EYS: variants seen among roughly 807,000 people sequenced by gnomAD.
EYS encodes EGF-like photoreceptor maintenance factor.
EYS carries 250 observed loss-of-function variants against 282.1 expected under a neutral mutation model. The ratio of observed to expected loss-of-function variants is 0.89; its 90% confidence interval spans 0.80 to 0.98. EYS has a LOEUF of 0.98. Ranked by LOEUF, EYS falls within the 50% of genes least tolerant of loss-of-function variation. EYS has a pLI of 0.00. For missense variants in EYS, 4,016 were observed against 3,709.0 expected (o/e 1.08, Z -2.15); for synonymous variants, 1,355 against 1,282.9 (o/e 1.06, Z -1.20).
intron 16 of EYS, among the ~76,000 whole-genome samples, chr6:64,909,939 C>T (rs1190337358): frequency 3.9e-5 from 6 of 152,076 alleles, no homozygotes; most frequent in South Asian, 4.1e-4. Context: ...AACATACAGT[C>T]GCATTGTTAC....
intron 26 of EYS, among the ~76,000 whole-genome samples, chr6:64,472,434 G>T (rs1472314940): frequency 6.6e-6 from 1 of 152,090 alleles, no homozygotes; most frequent in African/African-American, 2.4e-5. Flanking sequence ...ATCAAATTTG[G>T]TTAATAGATT....
chr6:64,189,083 C>G (rs139209999), intron 31 of EYS, among the ~76,000 whole-genome samples: 31 of 152,222 alleles, frequency 2.0e-4, no homozygotes, highest in African/African-American at 7.0e-4. Flanking sequence ...ATCACTTTCC[C>G]ACTATCAGAA....
At chr6:64,897,189 C>G (rs10944765) in intron 18 of EYS, among the ~76,000 whole-genome samples, 89,739 of 151,946 alleles carry the variant, frequency 0.59, 26,654 homozygotes, top group African/African-American at 0.65. Context: ...TCGACAGACA[C>G]CTCATACAGG....
intron 33 of EYS, among the ~76,000 whole-genome samples, chr6:64,039,346 TAAAGG>T (rs1221720747): frequency 1.3e-5 from 2 of 152,098 alleles, no homozygotes; most frequent in African/African-American, 4.8e-5. Context: ...GTCAACTGCT[TAAAGG>T]AGAGTAAAAT....
chr6:65,124,917 T>C (rs551850471), intron 12 of EYS, among the ~76,000 whole-genome samples: 2 of 152,300 alleles, frequency 1.3e-5, no homozygotes, highest in South Asian at 4.1e-4. Context: ...ATAGTCACAG[T>C]GGAGGGTAAA....
At chr6:64,199,712 A>G (rs1765403808) in intron 31 of EYS, among the ~76,000 whole-genome samples, 3 of 149,692 alleles carry the variant, frequency 2.0e-5, no homozygotes, top group Non-Finnish European at 4.5e-5. Context: ...ATCTACAAAG[A>G]ACTTAAACAA....
intron 22 of EYS, among the ~76,000 whole-genome samples, chr6:64,644,795 C>G (rs2149873884): frequency 6.6e-6 from 1 of 152,212 alleles, no homozygotes; most frequent in South Asian, 2.1e-4. Flanking sequence ...CAATTGCTAA[C>G]TATAGCTCAT....
chr6:65,123,136 G>A (rs1341021866), intron 12 of EYS, among the ~76,000 whole-genome samples: 8 of 152,104 alleles, frequency 5.3e-5, no homozygotes, highest in Admixed American at 6.5e-5. Flanking sequence ...TAATTGCTAC[G>A]TAAACATCCT....
intron 12 of EYS, among the ~76,000 whole-genome samples, chr6:65,206,564 G>T (rs935781926): frequency 4.0e-5 from 6 of 151,634 alleles, no homozygotes; most frequent in African/African-American, 1.5e-4. Flanking sequence ...CTAAAATCAT[G>T]CAATGACAAC....
chr6:65,581,798 A>G (rs1056079000), intron 2 of EYS, among the ~76,000 whole-genome samples: 2 of 152,128 alleles, frequency 1.3e-5, no homozygotes, highest in African/African-American at 4.8e-5. Flanking sequence ...TAAAAAAATT[A>G]GTAGCAAGGT....
At chr6:64,172,145 A>C (rs9362521) in intron 31 of EYS, among the ~76,000 whole-genome samples, 39,616 of 152,052 alleles carry the variant, frequency 0.26, 5,666 homozygotes, top group East Asian at 0.45. Context: ...CTATGTAGAG[A>C]GTTGATATCA....
chr6:65,241,756 T>C (rs939887596), intron 12 of EYS, among the ~76,000 whole-genome samples: 17 of 152,050 alleles, frequency 1.1e-4, no homozygotes, highest in African/African-American at 3.9e-4. Flanking sequence ...TAAAGTTCTA[T>C]ATGTGATTAT....
At chr6:65,655,444 T>G (rs1767787290) in intron 1 of EYS, among the ~76,000 whole-genome samples, 1 of 151,690 alleles carries the variant, frequency 6.6e-6, no homozygotes, top group Non-Finnish European at 1.5e-5. Flanking sequence ...ATATACCAAT[T>G]ATAAATATAT....
chr6:64,296,596 ATATTT>A (rs1769032677), intron 30 of EYS, among the ~76,000 whole-genome samples: 2 of 6,158 alleles, frequency 3.2e-4, no homozygotes, highest in East Asian at 5.1e-3. Flanking sequence ...ATATATATAT[ATATTT>A]TTTTTTTTTT....
At chr6:65,680,708 A>C (rs983972351) in intron 1 of EYS, among the ~76,000 whole-genome samples, 4 of 151,978 alleles carry the variant, frequency 2.6e-5, no homozygotes, top group Admixed American at 2.6e-4. Context: ...ATTATAAATG[A>C]CCTAATAACA....
chr6:64,694,467 C>T (rs1329654796), intron 22 of EYS, among the ~76,000 whole-genome samples: 3 of 152,150 alleles, frequency 2.0e-5, no homozygotes, highest in African/African-American at 7.2e-5. Context: ...CCCTGCTAAG[C>T]CCTCGGTCTG....
At chr6:64,843,352 C>CTACCTTCTCCAAT (rs1765622983) in intron 19 of EYS, among the ~76,000 whole-genome samples, 1 of 152,158 alleles carries the variant, frequency 6.6e-6, no homozygotes, top group Admixed American at 6.5e-5. Flanking sequence ...CACAGTAGAC[C>CTACCTTCTCCAAT]TGGAAAAGCC....
intron 22 of EYS, among the ~76,000 whole-genome samples, chr6:64,707,528 G>A (rs997523556): frequency 1.3e-5 from 2 of 152,010 alleles, no homozygotes; most frequent in Admixed American, 6.6e-5. Context: ...AATTAGCCGG[G>A]CGTGGTGGCG....
At chr6:64,312,851 A>G (rs62415946) in intron 29 of EYS, among the ~76,000 whole-genome samples, 2,428 of 152,280 alleles carry the variant, frequency 0.016, 32 homozygotes, top group Non-Finnish European at 0.023. Flanking sequence ...AACAAAAAGG[A>G]CGTCCACTCA....
Sources: gnomAD v4.1 joint callset for allele counts (sites outside exome capture counted in the v4.1 genomes callset) on GRCh38, gnomAD v4.1.1 for gene constraint, MANE v1.5 for transcripts, NCBI Gene and HGNC (gene_info 2026-07-23, HGNC 2026-07-21) for gene names.